PARP15: variants seen among roughly 807,000 people sequenced by gnomAD.
The protein encoded by PARP15 is poly(ADP-ribose) polymerase family member 15.
PARP15 carries 50 observed loss-of-function variants against 62.1 expected under a neutral mutation model. The ratio of observed to expected loss-of-function variants is 0.81; its 90% CI spans 0.64 to 1.02. The LOEUF (loss-of-function observed/expected upper bound fraction) is 1.02, where lower values mean the gene tolerates loss of function less well. Among genes scored for constraint, PARP15 ranks in the 50% least tolerant of loss-of-function variants. The probability of loss-of-function intolerance (pLI) is 0.00; values close to 1 mark genes in which losing one functional copy is unlikely to be tolerated. For missense variants in PARP15, 820 were observed against 826.5 expected (o/e 0.99, Z 0.10); for synonymous variants, 309 against 293.1 (o/e 1.05, Z -0.55).
At chr3:122,631,065 T>G (rs1173219291) in intron 9 of PARP15, among the ~76,000 whole-genome samples, 1 of 152,160 alleles carries the variant, frequency 6.6e-6, no homozygotes, top group African/African-American at 2.4e-5. Flanking sequence ...CTTCACCTCC[T>G]TACTTCCCAG....
chr3:122,638,489 A>C lies in PARP15; in HGVS notation c.*2389A>C, dbSNP rs188742081. 6 of 152,282 alleles carry C rather than the reference A, an allele frequency of 3.9e-5. No homozygotes were observed. Among genetic ancestry groups the C allele is most frequent in the Admixed American group, 3.9e-4 (6 of 15,296 alleles). 9.4% of individuals were successfully genotyped at this position (152,282 alleles called of 1,614,324 possible). On this transcript the variant is annotated 3_prime_UTR_variant, in exon 12 of 12. Transcript: ENST00000464300. ...GCTTCCTAACTTTTTAATGATTGCC[A>C]TTCTAACGGGTGTGGGATGGTATCT...
At chr3:122,590,878 T>C (rs1933856656) in intron 1 of PARP15, among the ~76,000 whole-genome samples, 1 of 152,228 alleles carries the variant, frequency 6.6e-6, no homozygotes, top group South Asian at 2.1e-4. Flanking sequence ...TGCCCTTTTG[T>C]TATGCACTAA....
At chr3:122,610,957 C>A (rs1935523267) in intron 3 of PARP15, among the ~76,000 whole-genome samples, 1 of 152,154 alleles carries the variant, frequency 6.6e-6, no homozygotes, top group Non-Finnish European at 1.5e-5. Context: ...GGCTGTGAAA[C>A]CCTCGTATTG....
intron 1 of PARP15, among the ~76,000 whole-genome samples, chr3:122,586,152 A>G (rs1018284573): frequency 1.3e-5 from 2 of 152,168 alleles, no homozygotes; most frequent in African/African-American, 4.8e-5. Context: ...ATAAAACCCA[A>G]CTTTCCCAGC....
intron 8 of PARP15, among the ~76,000 whole-genome samples, chr3:122,626,442 C>T (rs1337584730): frequency 6.6e-6 from 1 of 152,150 alleles, no homozygotes; most frequent in Non-Finnish European, 1.5e-5. Context: ...TCGTGATCCA[C>T]CCACCTCAGC....
At chr3:122,622,834 T>C (rs534619031) in intron 8 of PARP15, among the ~76,000 whole-genome samples, 33 of 152,342 alleles carry the variant, frequency 2.2e-4, no homozygotes, top group African/African-American at 7.7e-4. Flanking sequence ...AAGTGAGGGC[T>C]TCTTATTTGG....
At chr3:122,585,705 C>T (rs894507683) in intron 1 of PARP15, among the ~76,000 whole-genome samples, 1 of 152,214 alleles carries the variant, frequency 6.6e-6, no homozygotes, top group Non-Finnish European at 1.5e-5. Flanking sequence ...TTTTTGCATA[C>T]TGAACTCACC....
intron 2 of PARP15, among the ~76,000 whole-genome samples, chr3:122,606,299 T>C (rs116257220): frequency 0.016 from 2,466 of 152,304 alleles, 67 homozygotes; most frequent in African/African-American, 0.054. Context: ...TTTGCAAATC[T>C]ATCTCTTTTA....
intron 2 of PARP15, among the ~76,000 whole-genome samples, chr3:122,608,213 CT>C (rs71136576): frequency 3.7e-3 from 418 of 113,908 alleles, no homozygotes; most frequent in African/African-American, 6.2e-3. Context: ...TTTCTCTTTT[CT>C]TTTTTTTTTT....
At chr3:122,602,412 C>G (rs529460528) in intron 1 of PARP15, among the ~76,000 whole-genome samples, 2 of 152,264 alleles carry the variant, frequency 1.3e-5, no homozygotes, top group East Asian at 1.9e-4. Flanking sequence ...CCTGGGAGAT[C>G]AGGCAGATAC....
Position 122,603,069 on chromosome 3 carries a change from A to G in PARP15, c.187-2867A>G, listed in dbSNP as rs79214891. ...TTGGTGGTGAACACCTACTTGACCA[A>G]AAAGTCTGGGTCTTCAATGAAAGGC... On this transcript the variant is annotated intron_variant, in intron 1 of 11. Transcript: ENST00000464300. Among the ~76,000 whole-genome samples the G allele has an allele frequency of 1.6e-3, 241 of 151,112 alleles. 2 individuals carry two copies. Among genetic ancestry groups the G allele is most frequent in the African/African-American group, 5.8e-3 (233 of 40,472 alleles).
intron 8 of PARP15, among the ~76,000 whole-genome samples, chr3:122,623,533 G>A (rs986489388): frequency 1.3e-5 from 2 of 152,190 alleles, no homozygotes; most frequent in Non-Finnish European, 2.9e-5. Flanking sequence ...GTAGATTGTG[G>A]CAGGGAAAGG....
chr3:122,611,355 C>T (rs184098971), intron 3 of PARP15, among the ~76,000 whole-genome samples: 1 of 151,922 alleles, frequency 6.6e-6, no homozygotes, highest in African/African-American at 2.4e-5. Context: ...TTTTTGAGAC[C>T]GAGTTTCGCT....
intron 5 of PARP15, 152 bp downstream of exon 5, chr3:122,616,009 CA>C (rs1935941922): frequency 1.4e-6 from 1 of 736,534 alleles, no homozygotes; most frequent in South Asian, 1.7e-5. Flanking sequence ...ATTGTCTGGG[CA>C]CACAAAGAAG....
intron 4 of PARP15, among the ~76,000 whole-genome samples, chr3:122,614,323 A>G (rs924999310): frequency 2.0e-5 from 3 of 152,186 alleles, no homozygotes; most frequent in Non-Finnish European, 4.4e-5. Flanking sequence ...ACTTACTAAC[A>G]TCACCACTTA....
Position 122,637,851 on chromosome 3 carries a change from A to T in PARP15, c.*1751A>T, listed in dbSNP as rs1937449723. The T allele has an allele frequency of 6.6e-6, 1 of 152,096 alleles. No individual in the cohort carries two copies. The highest frequency in any genetic ancestry group is 1.5e-5 in the Non-Finnish European group (1 of 68,026). 9.4% of individuals were successfully genotyped at this position (152,096 alleles called of 1,614,324 possible). ...TTTAGGGTACATGTGCACAATGTGC[A>T]GTTTAGTTACATATGTAAACATGTG... On this transcript the variant is annotated 3_prime_UTR_variant, in exon 12 of 12. Coordinates refer to ENST00000464300, the MANE Select transcript of PARP15 (RefSeq NM_001113523.3).
At chr3:122,622,532 C>G (rs1936416565) in intron 8 of PARP15, among the ~76,000 whole-genome samples, 1 of 152,184 alleles carries the variant, frequency 6.6e-6, no homozygotes, top group Non-Finnish European at 1.5e-5. Flanking sequence ...CTTCAGACCT[C>G]CCCCATCTGG....
At chr3:122,583,870 C>T (rs1404335845) in intron 1 of PARP15, among the ~76,000 whole-genome samples, 1 of 152,162 alleles carries the variant, frequency 6.6e-6, no homozygotes, top group Non-Finnish European at 1.5e-5. Flanking sequence ...GCAACTCTCT[C>T]CTCTCCAGTA....
At chr3:122,587,151 T>C (rs933489832) in intron 1 of PARP15, among the ~76,000 whole-genome samples, 4 of 152,232 alleles carry the variant, frequency 2.6e-5, no homozygotes, top group Non-Finnish European at 5.9e-5. Context: ...CACTAAATGA[T>C]AGTCCCTTGT....
Sources: gnomAD v4.1 joint callset for allele counts (sites outside exome capture counted in the v4.1 genomes callset) on GRCh38, gnomAD v4.1.1 for gene constraint, MANE v1.5 for transcripts, NCBI Gene and HGNC (gene_info 2026-07-23, HGNC 2026-07-21) for gene names.